Variants in MYH7B observed in about 807,000 individuals in gnomAD.
MYH7B encodes myosin-7B.
A neutral mutation model predicts 234.5 loss-of-function variants in MYH7B; 205 were observed. The observed-to-expected ratio is 0.87, with a 90% CI of 0.78 to 0.98. The LOEUF (loss-of-function observed/expected upper bound fraction) is 0.98. MYH7B is among the 50% of genes least tolerant of loss of function. The probability of loss-of-function intolerance (pLI) is 0.00; values close to 1 mark genes in which losing one functional copy is unlikely to be tolerated. For synonymous variants in MYH7B, 1,193 were observed against 1,105.0 expected, an observed-to-expected ratio of 1.08 and a Z score of -1.58; for missense variants, 2,652 against 2,633.4, an observed-to-expected ratio of 1.01 and a Z score of -0.15.
intron 13 of MYH7B, 144 bp downstream of exon 13, chr20:34,985,273 C>T: frequency 1.4e-6 from 1 of 713,204 alleles, no homozygotes. Context: ...GCTCAGGCCA[C>T]CTCACCTATC....
chr20:34,979,336 A>G (rs2081903961), intron 5 of MYH7B, 54 bp from the exon 6 acceptor site: 10 of 1,395,588 alleles, frequency 7.2e-6, no homozygotes, highest in Non-Finnish European at 9.9e-6. Context: ...CTCCAGCTAG[A>G]ACCTGGAGGT....
chr20:34,988,129 A>G (rs772713369), exon 19 of MYH7B: 2 of 1,614,118 alleles, frequency 1.2e-6, no homozygotes, highest in East Asian at 2.2e-5. Context: ...AACTTCACCA[A>G]TGAGAAATTG....
intron 19 of MYH7B, 60 bp downstream of exon 19, chr20:34,988,322 G>C: frequency 6.4e-7 from 1 of 1,555,904 alleles, no homozygotes; most frequent in Non-Finnish European, 8.7e-7. Flanking sequence ...AGCAAGCAGG[G>C]ATGGATGACC....
intron 2 of MYH7B, 122 bp from the exon 3 acceptor site, chr20:34,975,277 GC>G: frequency 2.3e-6 from 1 of 429,824 alleles, no homozygotes; most frequent in Non-Finnish European, 4.1e-6. Flanking sequence ...TGATCTCGGC[GC>G]ACTGTAACCT....
At chr20:34,972,747 T>C (rs1284888921) in intron 2 of MYH7B, among the ~76,000 whole-genome samples, 1 of 152,088 alleles carries the variant, frequency 6.6e-6, no homozygotes, top group Non-Finnish European at 1.5e-5. Flanking sequence ...CTCTCGCCTC[T>C]CAGCCTCCTG....
chr20:34,956,549 TG>T (rs35492041), intron 1 of MYH7B, among the ~76,000 whole-genome samples: 6,700 of 152,270 alleles, frequency 0.044, 490 homozygotes, highest in African/African-American at 0.15. Context: ...TTAAATGGAA[TG>T]TATCAGTCCA....
rs965070875 is a variant in MYH7B at position 34,988,109 on chromosome 20, G to A, written c.1434G>A (p.Gln478=). 3 of 1,613,674 alleles carry A rather than the reference G, an allele frequency of 1.9e-6. No individual in the cohort carries two copies. The African/African-American group carries it at 4.0e-5, about 22-fold the overall frequency. Residue 478 remains glutamine, a synonymous_variant, in exon 19 of 45, where the codon CAG becomes CAA. Transcript: ENST00000262873. ...TCTTGTAGTTCAACAGCTTCGAACA[G>A]CTGTGCATCAACTTCACCAATGAGA...
chr20:34,992,312 G>A (rs901687730), intron 24 of MYH7B, among the ~76,000 whole-genome samples: 1 of 151,228 alleles, frequency 6.6e-6, no homozygotes, highest in African/African-American at 2.4e-5. Flanking sequence ...CCTGAACCCG[G>A]GAGGCAGAGC....
intron 1 of MYH7B, among the ~76,000 whole-genome samples, chr20:34,957,105 C>T (rs2081645418): frequency 1.3e-5 from 2 of 152,132 alleles, no homozygotes; most frequent in African/African-American, 4.8e-5. Flanking sequence ...GGTTGCTCGG[C>T]TTGTTTTACA....
intron 24 of MYH7B, among the ~76,000 whole-genome samples, chr20:34,992,247 G>A (rs554596755): frequency 3.9e-5 from 6 of 152,116 alleles, no homozygotes; most frequent in Non-Finnish European, 7.4e-5. Context: ...TTAGCCGGGC[G>A]TGGTGGCGGG....
At position 34,998,508 on chromosome 20, in the gene MYH7B, C is replaced by T; in HGVS notation, c.3875-3C>T. 3.7e-6 allele frequency: 6 copies of T among 1,613,498 alleles called. No individual in the cohort carries two copies. Among genetic ancestry groups the T allele is most frequent in the Non-Finnish European group, 5.1e-6 (6 of 1,180,000 alleles). On this transcript the variant is annotated splice_polypyrimidine_tract_variant and splice_region_variant and intron_variant, in intron 33 of 44. Coordinates refer to ENST00000262873, the Ensembl canonical transcript of MYH7B. ...ACCTGTCCGCTCGCCTCTTTGCCTG[C>T]AGGGGAGCTGAGTCGCCTGCTAGAG...
exon 32 of MYH7B, chr20:34,997,279 T>G: frequency 6.4e-7 from 1 of 1,557,730 alleles, no homozygotes; most frequent in Non-Finnish European, 8.7e-7. Context: ...GAAGAGGAGC[T>G]GGAGGCAGAG....
chr20:34,977,317 G>C (rs565196353), intron 3 of MYH7B, among the ~76,000 whole-genome samples: 1 of 152,186 alleles, frequency 6.6e-6, no homozygotes, highest in African/African-American at 2.4e-5. Context: ...CTTGCTCTCT[G>C]TATCTGGAGG....
chr20:34,957,206 G>C (rs1287678897), intron 1 of MYH7B, among the ~76,000 whole-genome samples: 22 of 152,174 alleles, frequency 1.4e-4, no homozygotes. Flanking sequence ...AGCCTCAGAC[G>C]CCAGTTCCAC....
chr20:34,998,876 C>G (rs764771086), exon 35 of MYH7B: 44 of 1,613,200 alleles, frequency 2.7e-5, no homozygotes, highest in Admixed American at 6.7e-5. Context: ...AAGTACGAAG[C>G]AGATGCCATC....
Position 34,988,267 on chromosome 20 carries a change from G to A in MYH7B, c.1587+5G>A, listed in dbSNP as rs777513186. On this transcript the variant is annotated splice_donor_5th_base_variant and intron_variant, in intron 19 of 44. Coordinates refer to ENST00000262873, the Ensembl canonical transcript of MYH7B. ...TGCATCGACCTCATCGAGAAGGTGG[G>A]TGCCGCGGCAAGGTCACTTTGAGGA... is the stretch of plus-strand genomic sequence containing the variant. 1.9e-6 allele frequency: 3 copies of A among 1,609,094 alleles called. No individual in the cohort carries two copies. Among genetic ancestry groups the A allele is most frequent in the African/African-American group, 2.7e-5 (2 of 74,828 alleles).
At chr20:34,960,783 G>A (rs1257891994) in intron 2 of MYH7B, among the ~76,000 whole-genome samples, 1 of 152,194 alleles carries the variant, frequency 6.6e-6, no homozygotes, top group African/African-American at 2.4e-5. Context: ...AAATGCCTGT[G>A]GAATCAAAGT....
chr20:34,973,645 G>T (rs2081814066), intron 2 of MYH7B, among the ~76,000 whole-genome samples: 1 of 152,214 alleles, frequency 6.6e-6, no homozygotes, highest in African/African-American at 2.4e-5. Context: ...ATGGTGAAAA[G>T]TCCCCTTTTG....
At chr20:34,995,164 CT>C (rs1211913856) in intron 27 of MYH7B, among the ~76,000 whole-genome samples, 171 bp from the exon 28 acceptor site, 2 of 152,248 alleles carry the variant, frequency 1.3e-5, no homozygotes, top group African/African-American at 4.8e-5. Context: ...TGGTGTGTCC[CT>C]CTGCGCTATT....
Sources: allele counts gnomAD v4.1 joint callset (sites outside exome capture counted in the v4.1 genomes callset), GRCh38; gene constraint gnomAD v4.1.1; transcripts MANE v1.5; gene names NCBI Gene and HGNC (gene_info 2026-07-23, HGNC 2026-07-21).